The following PIK3R4 variants were observed in gnomAD, a reference collection of about 807,000 sequenced individuals.
The protein encoded by PIK3R4 is phosphoinositide-3-kinase regulatory subunit 4, also known as phosphoinositide 3-kinase regulatory subunit 4.
Under a neutral mutation model 136.5 loss-of-function variants are expected in PIK3R4, and 46 were observed. The observed-to-expected ratio is 0.34, with a 90% CI of 0.27 to 0.43. The LOEUF (loss-of-function observed/expected upper bound fraction) is 0.43, where lower values mean the gene tolerates loss of function less well. Ranked by LOEUF, PIK3R4 falls within the 20% of genes least tolerant of loss-of-function variation. The pLI, the probability that PIK3R4 is intolerant of heterozygous loss-of-function variation, is 1.00. For synonymous variants in PIK3R4, 557 were observed against 566.7 expected (o/e 0.98, Z 0.24); for missense variants, 1,331 against 1,649.5 (o/e 0.81, Z 3.35).
chr3:130,728,965 A>C (rs1268775042), intron 5 of PIK3R4, among the ~76,000 whole-genome samples: 1 of 152,216 alleles, frequency 6.6e-6, no homozygotes, highest in African/African-American at 2.4e-5. Flanking sequence ...TCAAGGAGAA[A>C]ATTATAGAGA....
At chr3:130,688,290 G>A (rs1405624667) in intron 14 of PIK3R4, among the ~76,000 whole-genome samples, 1 of 152,196 alleles carries the variant, frequency 6.6e-6, no homozygotes, top group African/African-American at 2.4e-5. Context: ...CTGCTAAAAT[G>A]AAATTGTTAA....
chr3:130,746,522 G>C lies in PIK3R4; in HGVS notation c.-251C>G, dbSNP rs2066854782. 1 of 152,272 alleles carries C rather than the reference G, an allele frequency of 6.6e-6. No homozygotes were observed. Among genetic ancestry groups the C allele is most frequent in the African/African-American group, 2.4e-5 (1 of 41,396 alleles). 9.4% of individuals were successfully genotyped at this position (152,272 alleles called of 1,614,324 possible). A position where few individuals can be genotyped will look rare whatever the true frequency, so the allele number is the denominator to read the frequency against. ...AGGAACCCCGGTGGTCCTGGGAGGAGAACTGGGAAAGCTCTCGGGGTCTCA... is the reference window on the plus strand; with the variant it reads ...AGGAACCCCGGTGGTCCTGGGAGGACAACTGGGAAAGCTCTCGGGGTCTCA... On this transcript the variant is annotated 5_prime_UTR_variant, in exon 1 of 20. Coordinates refer to ENST00000356763, the MANE Select transcript of PIK3R4 (RefSeq NM_014602.3).
At chr3:130,696,326 C>G (rs1234444778) in intron 13 of PIK3R4, among the ~76,000 whole-genome samples, 1 of 150,778 alleles carries the variant, frequency 6.6e-6, no homozygotes. Context: ...GTTTGCTCTT[C>G]TTCTAGTTTC....
At chr3:130,688,058 CGT>C (rs1336633612) in intron 14 of PIK3R4, among the ~76,000 whole-genome samples, 4 of 152,120 alleles carry the variant, frequency 2.6e-5, no homozygotes, top group Admixed American at 2.6e-4. Flanking sequence ...TGCATCTGTT[CGT>C]GTGTTTGTAT....
intron 1 of PIK3R4, 113 bp from the exon 2 acceptor site, chr3:130,745,377 T>A: frequency 1.5e-6 from 1 of 679,032 alleles, no homozygotes; most frequent in Non-Finnish European, 2.4e-6. Context: ...ATACTTCTCT[T>A]CCACTAACAG....
intron 14 of PIK3R4, among the ~76,000 whole-genome samples, chr3:130,687,841 G>C (rs2066497795): frequency 6.6e-6 from 1 of 152,028 alleles, no homozygotes; most frequent in Non-Finnish European, 1.5e-5. Context: ...GATGCTCCAG[G>C]CTTGTTTTAT....
Position 130,729,974 on chromosome 3 carries a change from G to A in PIK3R4, c.1585+334C>T, listed in dbSNP as rs148001258. On this transcript the variant is annotated intron_variant, in intron 5 of 19. Coordinates refer to ENST00000356763, the MANE Select transcript of PIK3R4 (RefSeq NM_014602.3). ...TTGAGGATACTCAGAATATACTCAC[G>A]TAAGGAGAAAAGGTTTAGCTTCTTT... Among the ~76,000 whole-genome samples the A allele has an allele frequency of 4.8e-3, 730 of 152,212 alleles. 2 individuals carry two copies. The highest frequency in any genetic ancestry group is 0.016 in the African/African-American group (682 of 41,516).
chr3:130,690,492 G>A lies in PIK3R4; in HGVS notation c.3261C>T (p.Ser1087=). ...PKSPKIHPLQ[S]RILDQKEDGC... ...AAGAAAGACAAAAGATAAGATACCT[G>A]CTTTGTAGAGGATGGATTTTAGGAG... The change falls in exon 14 of 20, where the codon AGC becomes AGT. Residue 1087 remains serine, a splice_region_variant and synonymous_variant. Transcript: ENST00000356763. 1 of 1,608,892 alleles carries A rather than the reference G, an allele frequency of 6.2e-7. No individual in the cohort carries two copies. Among genetic ancestry groups the A allele is most frequent in the Non-Finnish European group, 8.5e-7 (1 of 1,176,836 alleles).
At chr3:130,710,420 T>C (rs2066627309) in intron 9 of PIK3R4, among the ~76,000 whole-genome samples, 1 of 152,028 alleles carries the variant, frequency 6.6e-6, no homozygotes, top group South Asian at 2.1e-4. Context: ...AGAAAGAGGA[T>C]TTCCTTAATC....
At chr3:130,681,154 G>C in intron 17 of PIK3R4, 89 bp from the exon 18 acceptor site, 1 of 798,986 alleles carries the variant, frequency 1.3e-6, no homozygotes, top group Non-Finnish European at 2.2e-6. Context: ...TTAACTGTCA[G>C]TAGCTTTACA....
In PIK3R4 at chr3:130,686,210, C is replaced by T; in HGVS notation, c.3475+1G>A. On this transcript the variant is annotated splice_donor_variant, in intron 15 of 19. Transcript: ENST00000356763. LOFTEE classifies it high-confidence loss of function. ...AGCCAATGACTTGAAAGTTAGCTTA[C>T]CAATGCAGAGCCAGCATTGGTGGAT... 5.0e-6 allele frequency: 8 copies of T among 1,601,482 alleles called. No homozygotes were observed. The highest frequency in any genetic ancestry group is 6.8e-6 in the Non-Finnish European group (8 of 1,168,734).
At chr3:130,718,292 A>T in intron 8 of PIK3R4, 97 bp downstream of exon 8, 1 of 1,035,484 alleles carries the variant, frequency 9.7e-7, no homozygotes, top group Non-Finnish European at 1.4e-6. Context: ...CAATTTAAAT[A>T]CTTAAAAAAT....
In PIK3R4 at chr3:130,723,470, A is replaced by T. The variant is rs1368121156; in HGVS notation, c.1925T>A (p.Met642Lys). ...TTTTTGTAGCAGTCCTAACTGGCAC[A>T]TACAAGTAAGGGCATAAAGAGCTTT... ...IVKALYALTC[M>K]CQLGLLQKPH... is the part of the protein sequence containing the mutation. Residue 642 changes from methionine (M) to lysine (K), a missense_variant, in exon 7 of 20, where the codon ATG (methionine) becomes AAG (lysine). By Grantham distance (95) the Met-to-Lys change is moderately conservative (BLOSUM62 -1). Coordinates refer to ENST00000356763, the MANE Select transcript of PIK3R4 (RefSeq NM_014602.3). 2.5e-6 allele frequency: 4 copies of T among 1,613,656 alleles called. No individual in the cohort carries two copies. The African/African-American group carries it at 5.3e-5, about 22-fold the overall frequency.
chr3:130,725,183 AAACT>A (rs1187766820), intron 6 of PIK3R4, among the ~76,000 whole-genome samples: 2 of 151,914 alleles, frequency 1.3e-5, no homozygotes, highest in South Asian at 2.1e-4. Flanking sequence ...ATGACATCTG[AAACT>A]TACCCTATCA....
At chr3:130,714,067 T>C (rs1009940148) in intron 9 of PIK3R4, among the ~76,000 whole-genome samples, 1 of 152,190 alleles carries the variant, frequency 6.6e-6, no homozygotes, top group African/African-American at 2.4e-5. Flanking sequence ...ATTGAGATGA[T>C]TTTTACTGCA....
chr3:130,699,533 C>A (rs866454842), intron 13 of PIK3R4, among the ~76,000 whole-genome samples: 1 of 152,126 alleles, frequency 6.6e-6, no homozygotes, highest in Non-Finnish European at 1.5e-5. Flanking sequence ...AAGTTAAGGA[C>A]GACATGGCTC....
At chr3:130,710,345 T>C (rs1348852757) in intron 9 of PIK3R4, among the ~76,000 whole-genome samples, 1 of 151,994 alleles carries the variant, frequency 6.6e-6, no homozygotes, top group Non-Finnish European at 1.5e-5. Context: ...AGAAAAACCA[T>C]ATAATAATCT....
At chr3:130,693,036 G>A (rs1320305288) in intron 13 of PIK3R4, among the ~76,000 whole-genome samples, 1 of 152,070 alleles carries the variant, frequency 6.6e-6, no homozygotes, top group Non-Finnish European at 1.5e-5. Context: ...TCTACTTTGT[G>A]TCTCTATGGA....
At chr3:130,736,337 G>A (rs1418927142) in intron 2 of PIK3R4, among the ~76,000 whole-genome samples, 1 of 152,192 alleles carries the variant, frequency 6.6e-6, no homozygotes, top group African/African-American at 2.4e-5. Context: ...GGGAGGCCAA[G>A]GCCAGCAGAT....
Sources: allele counts gnomAD v4.1 joint callset (sites outside exome capture counted in the v4.1 genomes callset), GRCh38; gene constraint gnomAD v4.1.1; transcripts MANE v1.5; gene names NCBI Gene and HGNC (gene_info 2026-07-23, HGNC 2026-07-21).